Variants in FAM110B observed in about 807,000 individuals in gnomAD.
The protein encoded by FAM110B is protein FAM110B.
Under a neutral mutation model 20.4 loss-of-function variants are expected in FAM110B, and 6 were observed. That is an observed-to-expected ratio of 0.29 (90% CI 0.16 to 0.58). The LOEUF (loss-of-function observed/expected upper bound fraction) is 0.58, where lower values mean the gene tolerates loss of function less well. FAM110B is among the 20% of genes least tolerant of loss of function. FAM110B has a pLI of 0.90. For synonymous variants in FAM110B, 226 were observed against 214.1 expected, an observed-to-expected ratio of 1.06 and a Z score of -0.49; for missense variants, 434 against 498.2, an observed-to-expected ratio of 0.87 and a Z score of 1.23.
intron 2 of FAM110B, among the ~76,000 whole-genome samples, chr8:58,056,263 A>G (rs1263499781): frequency 1.3e-5 from 2 of 152,222 alleles, no homozygotes; most frequent in African/African-American, 4.8e-5. Context: ...CAGTCACTAA[A>G]TAATTTTTGA....
intron 1 of FAM110B, among the ~76,000 whole-genome samples, chr8:58,017,393 A>C (rs925499865): frequency 6.6e-6 from 1 of 152,212 alleles, no homozygotes; most frequent in Admixed American, 6.5e-5. Flanking sequence ...AGTTCTTCAT[A>C]AGAATCACTG....
intron 1 of FAM110B, among the ~76,000 whole-genome samples, chr8:58,001,067 C>T (rs1022942836): frequency 6.6e-6 from 1 of 152,104 alleles, no homozygotes; most frequent in South Asian, 2.1e-4. Flanking sequence ...AACCATAAAC[C>T]GTTTTATAAT....
At chr8:58,107,283 A>G (rs1367712646) in intron 3 of FAM110B, among the ~76,000 whole-genome samples, 1 of 152,236 alleles carries the variant, frequency 6.6e-6, no homozygotes, top group African/African-American at 2.4e-5. Context: ...TTAAATATTC[A>G]GACTCACATT....
intron 3 of FAM110B, among the ~76,000 whole-genome samples, chr8:58,103,214 C>T (rs1806826247): frequency 6.6e-6 from 1 of 151,884 alleles, no homozygotes; most frequent in Admixed American, 6.6e-5. Flanking sequence ...GGTACATGTG[C>T]ACAGTGTGCA....
chr8:58,052,825 G>T (rs551025657), intron 2 of FAM110B, among the ~76,000 whole-genome samples: 1 of 111,586 alleles, frequency 9.0e-6, no homozygotes, highest in African/African-American at 3.4e-5. Context: ...TCGCTCTGTC[G>T]CCCAGGCTGG....
chr8:58,148,340 A>C lies in FAM110B; in HGVS notation c.*997A>C, dbSNP rs1474624811. The C allele has an allele frequency of 1.2e-5, 2 of 167,054 alleles. No individual in the cohort carries two copies. Among genetic ancestry groups the C allele is most frequent in the African/African-American group, 4.8e-5 (2 of 41,448 alleles). 10.3% of individuals were successfully genotyped at this position (167,054 alleles called of 1,614,324 possible). On this transcript the variant is annotated 3_prime_UTR_variant, in exon 4 of 4. Coordinates refer to ENST00000519262, the MANE Select transcript of FAM110B (RefSeq NM_001377989.1). The stretch of plus-strand genomic sequence containing the variant: ...CATATCAGTAGAGCCTTCCATTCAA[A>C]AGTGAACACACTTGGTAGCTGAACC...
intron 1 of FAM110B, among the ~76,000 whole-genome samples, chr8:58,027,862 T>G (rs1388596740): frequency 6.6e-6 from 1 of 152,236 alleles, no homozygotes; most frequent in Admixed American, 6.5e-5. Context: ...ACGTTTGGAT[T>G]CTTTCAAGTT....
chr8:58,134,895 T>C (rs1392675850), intron 3 of FAM110B, among the ~76,000 whole-genome samples: 2 of 152,350 alleles, frequency 1.3e-5, no homozygotes, highest in Non-Finnish European at 2.9e-5. Flanking sequence ...AAGGCTTTTT[T>C]TCGTCCTTCA....
At chr8:58,075,089 T>G (rs76111482) in intron 2 of FAM110B, among the ~76,000 whole-genome samples, 5 of 152,002 alleles carry the variant, frequency 3.3e-5, no homozygotes, top group African/African-American at 1.2e-4. Context: ...CTTTTTTTTT[T>G]AATATATTGA....
At chr8:58,050,730 GCCCA>G (rs1805421805) in intron 2 of FAM110B, among the ~76,000 whole-genome samples, 2 of 152,092 alleles carry the variant, frequency 1.3e-5, no homozygotes, top group South Asian at 4.2e-4. Flanking sequence ...ATTAGGCTAG[GCCCA>G]CCCAGATACT....
At chr8:58,055,808 G>T (rs1805535684) in intron 2 of FAM110B, among the ~76,000 whole-genome samples, 1 of 152,184 alleles carries the variant, frequency 6.6e-6, no homozygotes, top group Non-Finnish European at 1.5e-5. Flanking sequence ...TGTGCTCTAT[G>T]CAAGAAAGGA....
intron 1 of FAM110B, among the ~76,000 whole-genome samples, chr8:57,997,622 C>A (rs1294679051): frequency 6.6e-6 from 1 of 152,208 alleles, no homozygotes; most frequent in Non-Finnish European, 1.5e-5. Flanking sequence ...TGATTTGCAT[C>A]ATTCTTCTGG....
chr8:58,027,711 T>C (rs1436851883), intron 1 of FAM110B, among the ~76,000 whole-genome samples: 1 of 152,212 alleles, frequency 6.6e-6, no homozygotes, highest in Non-Finnish European at 1.5e-5. Flanking sequence ...GTCTTTTGTG[T>C]TTGGCTTCTT....
At chr8:58,133,281 A>G (rs1051581568) in intron 3 of FAM110B, among the ~76,000 whole-genome samples, 1 of 151,528 alleles carries the variant, frequency 6.6e-6, no homozygotes, top group African/African-American at 2.4e-5. Flanking sequence ...TTCATAATAC[A>G]TTAGGTGAGG....
At chr8:58,079,524 C>A (rs536261002) in intron 3 of FAM110B, among the ~76,000 whole-genome samples, 1 of 152,096 alleles carries the variant, frequency 6.6e-6, no homozygotes, top group African/African-American at 2.4e-5. Context: ...CGCTTGTAAT[C>A]GCAGCACTTT....
intron 2 of FAM110B, among the ~76,000 whole-genome samples, chr8:58,046,688 C>A (rs954921357): frequency 5.9e-5 from 9 of 152,190 alleles, no homozygotes; most frequent in African/African-American, 2.2e-4. Flanking sequence ...TTACCATAGG[C>A]AAAATAGCAT....
At chr8:58,058,111 A>C (rs1805584941) in intron 2 of FAM110B, among the ~76,000 whole-genome samples, 1 of 152,228 alleles carries the variant, frequency 6.6e-6, no homozygotes, top group Admixed American at 6.5e-5. Flanking sequence ...ATTAGTTGCA[A>C]GGGGATTGAT....
intron 3 of FAM110B, among the ~76,000 whole-genome samples, chr8:58,128,705 A>G (rs185508076): frequency 6.6e-6 from 1 of 152,314 alleles, no homozygotes; most frequent in Admixed American, 6.5e-5. Context: ...CACTTTTCTG[A>G]GGTATCAGAG....
At chr8:58,050,189 T>C (rs1369492891) in intron 2 of FAM110B, among the ~76,000 whole-genome samples, 1 of 151,934 alleles carries the variant, frequency 6.6e-6, no homozygotes, top group Non-Finnish European at 1.5e-5. Context: ...TAGAATATTC[T>C]TCAGCAACCT....
Sources: allele counts gnomAD v4.1 joint callset (sites outside exome capture counted in the v4.1 genomes callset), GRCh38; gene constraint gnomAD v4.1.1; transcripts MANE v1.5; gene names NCBI Gene and HGNC (gene_info 2026-07-23, HGNC 2026-07-21).